Variants in PDE1A observed in about 807,000 individuals in gnomAD.
The protein encoded by PDE1A is phosphodiesterase 1A.
Under a neutral mutation model 61.7 loss-of-function variants are expected in PDE1A, and 35 were observed. That is an observed-to-expected ratio of 0.57 (90% CI 0.43 to 0.75). PDE1A has a LOEUF of 0.75. Among genes scored for constraint, PDE1A ranks in the 30% least tolerant of loss-of-function variants. The probability of loss-of-function intolerance (pLI) is 0.00; values close to 1 mark genes in which losing one functional copy is unlikely to be tolerated. For missense variants in PDE1A, 597 were observed against 630.6 expected, an observed-to-expected ratio of 0.95 and a Z score of 0.57; for synonymous variants, 232 against 213.2, an observed-to-expected ratio of 1.09 and a Z score of -0.77.
chr2:182,679,621 G>T, the PDE1A span, among the ~76,000 whole-genome samples: 1 of 151,848 alleles, frequency 6.6e-6, no homozygotes, highest in East Asian at 1.9e-4. Flanking sequence ...TTTAAAAAAG[G>T]AAATGTAAAA....
intron 2 of PDE1A, among the ~76,000 whole-genome samples, chr2:182,258,531 T>A (rs1298452286): frequency 6.6e-6 from 1 of 152,200 alleles, no homozygotes; most frequent in Non-Finnish European, 1.5e-5. Flanking sequence ...AAAGTAAAGG[T>A]ATTTAAAAAT....
chr2:182,178,163 A>C (rs1031799644), intron 13 of PDE1A, among the ~76,000 whole-genome samples: 48 of 152,254 alleles, frequency 3.2e-4, no homozygotes, highest in African/African-American at 9.9e-4. Context: ...AAGCTACCCC[A>C]AAAACAAAGG....
At chr2:182,595,551 G>T in the PDE1A span, among the ~76,000 whole-genome samples, 1 of 152,188 alleles carries the variant, frequency 6.6e-6, no homozygotes, top group African/African-American at 2.4e-5. Flanking sequence ...CTTATTTTCT[G>T]ATCCTACTCA....
At chr2:182,524,751 A>G (rs561983484), upstream of PDE1A, among the ~76,000 whole-genome samples, 28 of 152,208 alleles carry the variant, frequency 1.8e-4, 1 homozygote, top group South Asian at 1.5e-3. Context: ...AAAATTCAAT[A>G]TAAGTTCTGC....
chr2:182,211,378 G>T (rs993418525), intron 7 of PDE1A, among the ~76,000 whole-genome samples: 3 of 152,038 alleles, frequency 2.0e-5, no homozygotes, highest in Admixed American at 6.6e-5. Context: ...TGATCTATTT[G>T]TCTGTCCTTT....
At chr2:182,625,755 T>C in the PDE1A span, among the ~76,000 whole-genome samples, 1 of 152,220 alleles carries the variant, frequency 6.6e-6, no homozygotes, top group African/African-American at 2.4e-5. Context: ...CAATATGTAC[T>C]TTTGAGGGGT....
At chr2:182,561,508 C>A in the PDE1A span, among the ~76,000 whole-genome samples, 2 of 152,112 alleles carry the variant, frequency 1.3e-5, no homozygotes, top group African/African-American at 4.8e-5. Flanking sequence ...CAGCTTTGTT[C>A]TTTTGGCTTA....
chr2:182,561,509 T>G, the PDE1A span, among the ~76,000 whole-genome samples: 16 of 152,194 alleles, frequency 1.1e-4, no homozygotes, highest in Non-Finnish European at 1.9e-4. Flanking sequence ...AGCTTTGTTC[T>G]TTTGGCTTAG....
intron 3 of PDE1A, among the ~76,000 whole-genome samples, chr2:182,239,677 C>A (rs909354923): frequency 1.5e-5 from 2 of 131,872 alleles, no homozygotes; most frequent in African/African-American, 6.1e-5. Flanking sequence ...AGAAGGGAAG[C>A]AAATGGTCTT....
chr2:182,552,181 C>T, the PDE1A span, among the ~76,000 whole-genome samples: 3 of 152,132 alleles, frequency 2.0e-5, no homozygotes, highest in Non-Finnish European at 2.9e-5. Context: ...TCATATTGGG[C>T]CTGAGTATCA....
At chr2:182,374,595 TTACA>T (rs1256976541) in intron 1 of PDE1A, among the ~76,000 whole-genome samples, 2 of 152,118 alleles carry the variant, frequency 1.3e-5, no homozygotes, top group Non-Finnish European at 2.9e-5. Context: ...GACATAAGTC[TTACA>T]TACAGATCAT....
chr2:182,199,851 A>G (rs570198261), intron 10 of PDE1A, among the ~76,000 whole-genome samples: 1 of 152,328 alleles, frequency 6.6e-6, no homozygotes, highest in African/African-American at 2.4e-5. Context: ...GAAACCACAC[A>G]TTATGTCCAT....
the PDE1A span, among the ~76,000 whole-genome samples, chr2:182,604,026 T>TA: frequency 1.3e-5 from 2 of 151,710 alleles, no homozygotes; most frequent in South Asian, 2.1e-4. Context: ...AATTTAGTTT[T>TA]AAAAAAAAAA....
chr2:182,235,125 T>C (rs1405725506), intron 3 of PDE1A, among the ~76,000 whole-genome samples: 1 of 152,154 alleles, frequency 6.6e-6, no homozygotes. Context: ...AAGTGGTTTT[T>C]TGTTTTTGTT....
intron 1 of PDE1A, among the ~76,000 whole-genome samples, chr2:182,423,473 T>C (rs1264063742): frequency 6.6e-6 from 1 of 152,174 alleles, no homozygotes; most frequent in Non-Finnish European, 1.5e-5. Flanking sequence ...AACCTCTCAG[T>C]AACTTTTTCC....
At chr2:182,576,659 CTACACCATTTTATATCCCGACCAACAG>C in the PDE1A span, among the ~76,000 whole-genome samples, 44 of 152,184 alleles carry the variant, frequency 2.9e-4, no homozygotes, top group African/African-American at 1.0e-3. Flanking sequence ...TCCACAGTGG[CTACACCATTTTATATCCCGACCAACAG>C]TACACAGGGG....
intron 1 of PDE1A, among the ~76,000 whole-genome samples, chr2:182,426,324 T>C (rs1374477301): frequency 6.6e-6 from 1 of 152,228 alleles, no homozygotes; most frequent in Non-Finnish European, 1.5e-5. Context: ...CCAAAGTTTT[T>C]CCAGTACTAT....
chr2:182,424,712 G>C (rs1159454050), intron 1 of PDE1A, among the ~76,000 whole-genome samples: 2 of 152,196 alleles, frequency 1.3e-5, no homozygotes, highest in African/African-American at 4.8e-5. Context: ...ATTAAGCCTA[G>C]TTATTTGAAT....
chr2:182,560,235 A>C, the PDE1A span, among the ~76,000 whole-genome samples: 27 of 100,104 alleles, frequency 2.7e-4, no homozygotes, highest in Admixed American at 8.3e-4. Flanking sequence ...CACAACAGTC[A>C]CCAGAGTGTG....
Sources: gnomAD v4.1 joint callset for allele counts (sites outside exome capture counted in the v4.1 genomes callset) on GRCh38, gnomAD v4.1.1 for gene constraint, MANE v1.5 for transcripts, NCBI Gene and HGNC (gene_info 2026-07-23, HGNC 2026-07-21) for gene names.